PCDHA9: variants seen among roughly 807,000 people sequenced by gnomAD.
PCDHA9 encodes the protein protocadherin alpha 9.
A neutral mutation model predicts 62.0 loss-of-function variants in PCDHA9; 62 were observed. That is an observed-to-expected ratio of 1.00 (90% CI 0.81 to 1.23). The LOEUF (loss-of-function observed/expected upper bound fraction) is 1.23, where lower values mean the gene tolerates loss of function less well. Among genes scored for constraint, PCDHA9 ranks in the 50% most tolerant of loss-of-function variants. PCDHA9 has a pLI of 0.00. For synonymous variants in PCDHA9, 557 were observed against 567.6 expected, an observed-to-expected ratio of 0.98 and a Z score of 0.27; for missense variants, 1,205 against 1,249.8, an observed-to-expected ratio of 0.96 and a Z score of 0.54.
chr5:140,949,161 C>T (rs2094347975), intron 1 of PCDHA9, among the ~76,000 whole-genome samples: 1 of 151,598 alleles, frequency 6.6e-6, no homozygotes, highest in Admixed American at 6.6e-5. Context: ...TAATCTAATT[C>T]TCTTTTGGTC....
chr5:140,927,280 C>G, intron 1 of PCDHA9: 1 of 1,614,178 alleles, frequency 6.2e-7, no homozygotes, highest in Non-Finnish European at 8.5e-7. Flanking sequence ...CGGCGACGTG[C>G]AGCTGCACAT....
In PCDHA9 at chr5:140,857,614, G is replaced by A. The variant is rs1554150351; in HGVS notation, c.2394+6725G>A. ...GCAAGGTGTACGCGCTGCAGCCGCT[G>A]GACCACGAGGAGCTGGAGCTGCTAC... On this transcript the variant is annotated intron_variant, in intron 1 of 3. Transcript: ENST00000532602. 4 of 1,596,618 alleles carry A rather than the reference G, an allele frequency of 2.5e-6. 1 individual carries two copies. Among genetic ancestry groups the A allele is most frequent in the South Asian group, 1.1e-5 (1 of 90,494 alleles).
intron 1 of PCDHA9, chr5:140,871,426 C>T (rs1554165586): frequency 1.2e-6 from 2 of 1,613,320 alleles, no homozygotes; most frequent in Non-Finnish European, 8.5e-7. Context: ...CAGCCCCAGT[C>T]TTCCTCTAGG....
intron 1 of PCDHA9, among the ~76,000 whole-genome samples, chr5:140,971,716 A>G (rs1554233565): frequency 1.3e-5 from 2 of 152,026 alleles, no homozygotes; most frequent in African/African-American, 4.8e-5. Context: ...ATATAGATAT[A>G]TGTATATCAT....
chr5:140,902,180 A>G (rs991898675), intron 1 of PCDHA9, among the ~76,000 whole-genome samples: 2 of 140,608 alleles, frequency 1.4e-5, no homozygotes, highest in East Asian at 4.1e-4. Context: ...GATGTCCTTT[A>G]TGTCTTCTCT....
chr5:140,923,189 C>A (rs1452451112), intron 1 of PCDHA9, among the ~76,000 whole-genome samples: 1 of 152,210 alleles, frequency 6.6e-6, no homozygotes, highest in African/African-American at 2.4e-5. Flanking sequence ...GCATCTACTG[C>A]AGCAATTTGG....
At chr5:140,876,207 C>A (rs251377) in intron 1 of PCDHA9, 776,282 of 1,613,510 alleles carry the variant, frequency 0.48, 188,573 homozygotes, top group South Asian at 0.57. Flanking sequence ...TTGATAAGCC[C>A]AGCTATAAAG....
chr5:140,931,088 A>G (rs1178910459), intron 1 of PCDHA9, among the ~76,000 whole-genome samples: 1 of 152,196 alleles, frequency 6.6e-6, no homozygotes, highest in African/African-American at 2.4e-5. Context: ...AGTTCTACAG[A>G]TGACAAAGGA....
chr5:140,867,407 T>C (rs1376336154), intron 1 of PCDHA9: 1 of 152,154 alleles, frequency 6.6e-6, no homozygotes, highest in African/African-American at 2.4e-5. Flanking sequence ...ATATGTCTCC[T>C]TTAATTTTTT....
intron 1 of PCDHA9, chr5:140,876,794 T>G: frequency 6.2e-7 from 1 of 1,614,056 alleles, no homozygotes; most frequent in Non-Finnish European, 8.5e-7. Flanking sequence ...ACGGCTAGAG[T>G]GTCCGTGGAG....
intron 1 of PCDHA9, chr5:140,871,406 T>C (rs1406444669): frequency 1.2e-6 from 2 of 1,614,032 alleles, no homozygotes; most frequent in Non-Finnish European, 1.7e-6. Flanking sequence ...AAGACGGACC[T>C]CATGGCCTTC....
At chr5:141,004,677 A>T (rs971713487) in intron 3 of PCDHA9, among the ~76,000 whole-genome samples, 4 of 152,194 alleles carry the variant, frequency 2.6e-5, no homozygotes, top group African/African-American at 7.2e-5. Context: ...AGGACTGTGG[A>T]GTGGTGCTGA....
intron 3 of PCDHA9, among the ~76,000 whole-genome samples, chr5:140,991,912 A>G (rs1022060256): frequency 1.3e-5 from 2 of 152,150 alleles, no homozygotes; most frequent in Non-Finnish European, 2.9e-5. Context: ...CCCTTTTGCC[A>G]TGTAACATAA....
At chr5:140,918,759 G>A (rs931610210) in intron 1 of PCDHA9, among the ~76,000 whole-genome samples, 7 of 152,130 alleles carry the variant, frequency 4.6e-5, no homozygotes, top group Non-Finnish European at 1.0e-4. Context: ...CCAGAGAGGT[G>A]CCTTGCCTCT....
chr5:140,974,636 C>T (rs1208653634), intron 1 of PCDHA9, among the ~76,000 whole-genome samples: 2 of 152,054 alleles, frequency 1.3e-5, no homozygotes, highest in African/African-American at 4.8e-5. Flanking sequence ...CTCAACCTCC[C>T]GAGTAGCTGA....
intron 1 of PCDHA9, chr5:140,868,693 T>C (rs1284176343): frequency 5.7e-6 from 1 of 176,810 alleles, no homozygotes; most frequent in African/African-American, 2.4e-5. Flanking sequence ...TAATGTTAAG[T>C]CAAACATAGA....
chr5:140,968,323 C>G, intron 1 of PCDHA9: 1 of 1,614,114 alleles, frequency 6.2e-7, no homozygotes, highest in Non-Finnish European at 8.5e-7. Flanking sequence ...TGCCAGTCAC[C>G]TCCTATGTCT....
intron 1 of PCDHA9, among the ~76,000 whole-genome samples, chr5:140,892,931 G>A (rs77081198): frequency 0.011 from 1,609 of 152,196 alleles, 17 homozygotes; most frequent in African/African-American, 0.028. Flanking sequence ...CCCAGCCTCT[G>A]ATAAGCACAA....
chr5:140,869,072 G>T, intron 1 of PCDHA9: 4 of 1,574,396 alleles, frequency 2.5e-6, no homozygotes, highest in Non-Finnish European at 2.6e-6. Flanking sequence ...TAAGTGTAAA[G>T]AAGCTTATTT....
Sources: allele counts gnomAD v4.1 joint callset (sites outside exome capture counted in the v4.1 genomes callset), GRCh38; gene constraint gnomAD v4.1.1; transcripts MANE v1.5; gene names NCBI Gene and HGNC (gene_info 2026-07-23, HGNC 2026-07-21).